MITF: variants seen among roughly 807,000 people sequenced by gnomAD.
MITF encodes the protein microphthalmia-associated transcription factor.
A neutral mutation model predicts 60.5 loss-of-function variants in MITF; 17 were observed. That is an observed-to-expected ratio of 0.28 (90% CI 0.19 to 0.42). MITF has a LOEUF of 0.42. MITF is among the 10% of genes least tolerant of loss of function. The probability of loss-of-function intolerance (pLI) is 1.00; values close to 1 mark genes in which losing one functional copy is unlikely to be tolerated. For synonymous variants in MITF, 260 were observed against 248.5 expected (o/e 1.05, Z -0.43); for missense variants, 622 against 683.5 (o/e 0.91, Z 1.00).
chr3:69,953,682 GAGAGAGAC>G (rs1280935016), intron 7 of MITF, among the ~76,000 whole-genome samples: 26 of 147,908 alleles, frequency 1.8e-4, no homozygotes, highest in East Asian at 1.6e-3. Context: ...GAGAGAGAGA[GAGAGAGAC>G]AGAGACAGAG....
At chr3:69,836,841 A>G (rs1446323880) in intron 1 of MITF, among the ~76,000 whole-genome samples, 1 of 152,214 alleles carries the variant, frequency 6.6e-6, no homozygotes, top group Non-Finnish European at 1.5e-5. Flanking sequence ...TCATGTGTAT[A>G]TTAAAGGATT....
chr3:69,928,193 G>A (rs543659068), intron 2 of MITF, among the ~76,000 whole-genome samples: 1 of 152,280 alleles, frequency 6.6e-6, no homozygotes, highest in Non-Finnish European at 1.5e-5. Context: ...TCTTTGTCCC[G>A]TATCTGATCA....
intron 2 of MITF, among the ~76,000 whole-genome samples, chr3:69,928,896 C>T (rs1422086540): frequency 6.6e-6 from 1 of 152,094 alleles, no homozygotes; most frequent in Non-Finnish European, 1.5e-5. Flanking sequence ...ATTTGAGACC[C>T]ACAGGGCCCT....
Position 69,956,561 on chromosome 3 carries a change from T to C in MITF, c.1031+31T>C, listed in dbSNP as rs55754687. The C allele has an allele frequency of 0.024, 37,064 of 1,567,260 alleles. 546 individuals are homozygous for C. Among genetic ancestry groups the C allele is most frequent in the Non-Finnish European group, 0.029 (32,956 of 1,137,448 alleles). On this transcript the variant is annotated intron_variant, in intron 8 of 9. Coordinates refer to ENST00000352241, the MANE Select transcript of MITF (RefSeq NM_001354604.2). Reference sequence around the variant, plus strand: ...TACAATCGCGTGTTAATCTGCATCATATATTTTTCGTACCTGAATGTTTTT... The same window carrying C: ...TACAATCGCGTGTTAATCTGCATCACATATTTTTCGTACCTGAATGTTTTT...
At chr3:69,935,124 G>A (rs1474007453) in intron 2 of MITF, among the ~76,000 whole-genome samples, 1 of 152,114 alleles carries the variant, frequency 6.6e-6, no homozygotes, top group African/African-American at 2.4e-5. Flanking sequence ...CCTCATTTAT[G>A]TTGCCTGTTT....
intron 2 of MITF, among the ~76,000 whole-genome samples, chr3:69,920,764 G>T (rs1280611045): frequency 6.6e-6 from 1 of 152,150 alleles, no homozygotes; most frequent in African/African-American, 2.4e-5. Context: ...CGCATTTGTG[G>T]TAGTGGTTCC....
chr3:69,850,927 G>C (rs768882045), intron 1 of MITF, among the ~76,000 whole-genome samples: 5 of 152,164 alleles, frequency 3.3e-5, no homozygotes, highest in Non-Finnish European at 7.3e-5. Flanking sequence ...GCCCCCAAGT[G>C]CTGGGCCCAT....
At chr3:69,955,224 G>C (rs980854510) in intron 7 of MITF, among the ~76,000 whole-genome samples, 1 of 152,134 alleles carries the variant, frequency 6.6e-6, no homozygotes, top group African/African-American at 2.4e-5. Flanking sequence ...AAATTGTGAC[G>C]TAAAACTGAA....
intron 1 of MITF, among the ~76,000 whole-genome samples, chr3:69,779,293 G>C (rs1337491821): frequency 6.6e-6 from 1 of 152,198 alleles, no homozygotes; most frequent in Non-Finnish European, 1.5e-5. Flanking sequence ...ATTGGGATAA[G>C]AGCAGGAGAC....
chr3:69,903,860 A>C (rs1446604904), intron 2 of MITF, among the ~76,000 whole-genome samples: 1 of 152,154 alleles, frequency 6.6e-6, no homozygotes, highest in Non-Finnish European at 1.5e-5. Flanking sequence ...GCTCCCATGC[A>C]CTGGATGTGC....
At chr3:69,948,139 A>G (rs1401759016) in intron 5 of MITF, among the ~76,000 whole-genome samples, 4 of 152,176 alleles carry the variant, frequency 2.6e-5, no homozygotes, top group African/African-American at 9.7e-5. Context: ...CAATCTAGTA[A>G]TGGTACGTGT....
chr3:69,769,598 C>T (rs1448792531), intron 1 of MITF: 1 of 152,060 alleles, frequency 6.6e-6, no homozygotes, highest in African/African-American at 2.4e-5. Context: ...CTAACCTGGG[C>T]TGGTTTACCC....
At position 69,967,181 on chromosome 3, in the gene MITF, C is replaced by T. The variant is rs555688827; in HGVS notation, c.*1933C>T. On this transcript the variant is annotated 3_prime_UTR_variant, in exon 10 of 10. Coordinates refer to ENST00000352241, the MANE Select transcript of MITF (RefSeq NM_001354604.2). ...TAATCAACTGCATAGTTCCCATGCA[C>T]GCTGGGCAATGAGAATCCTTGGAAA... The T allele has an allele frequency of 5.2e-5, 12 of 232,346 alleles. No homozygotes were observed. Among genetic ancestry groups the T allele is most frequent in the Admixed American group, 1.1e-4 (2 of 17,744 alleles). 14.4% of individuals were successfully genotyped at this position (232,346 alleles called of 1,614,324 possible).
At position 69,836,288 on chromosome 3, in the gene MITF, A is replaced by T. The variant is rs140182562; in HGVS notation, c.105-42846A>T. Among the ~76,000 whole-genome samples, 22 of 152,326 alleles carry T rather than the reference A, an allele frequency of 1.4e-4. No homozygotes were observed. The East Asian group carries it at 4.2e-3, about 29-fold the overall frequency. On this transcript the variant is annotated intron_variant, in intron 1 of 9. Coordinates refer to ENST00000352241, the MANE Select transcript of MITF (RefSeq NM_001354604.2). ...TTTTCAGGTAGATCACTATTAGCAT[A>T]TAGAAATACTACTGATTTTTTAATG...
chr3:69,960,060 C>T (rs1338387292), intron 9 of MITF, among the ~76,000 whole-genome samples: 2 of 152,046 alleles, frequency 1.3e-5, no homozygotes, highest in East Asian at 1.9e-4. Flanking sequence ...CTTGTAATTC[C>T]CCTGGGAACA....
intron 1 of MITF, among the ~76,000 whole-genome samples, chr3:69,871,163 C>T (rs960628458): frequency 2.0e-5 from 3 of 152,174 alleles, no homozygotes; most frequent in Admixed American, 1.3e-4. Flanking sequence ...ACTGTTTCCT[C>T]CAGTTTGGCT....
At chr3:69,869,227 G>A (rs1214861123) in intron 1 of MITF, among the ~76,000 whole-genome samples, 1 of 152,172 alleles carries the variant, frequency 6.6e-6, no homozygotes, top group Non-Finnish European at 1.5e-5. Flanking sequence ...GAGACAATAT[G>A]TGAATAAAAC....
At chr3:69,775,397 T>C (rs770596766) in intron 1 of MITF, among the ~76,000 whole-genome samples, 2 of 152,220 alleles carry the variant, frequency 1.3e-5, no homozygotes, top group African/African-American at 4.8e-5. Context: ...ACAACTGTTA[T>C]TGGTTTTGTG....
At chr3:69,955,867 G>A (rs1055774692) in intron 7 of MITF, among the ~76,000 whole-genome samples, 3 of 151,994 alleles carry the variant, frequency 2.0e-5, no homozygotes, top group Non-Finnish European at 2.9e-5. Context: ...TATATACAAC[G>A]CAAATTTCAG....
Sources: allele counts gnomAD v4.1 joint callset (sites outside exome capture counted in the v4.1 genomes callset), GRCh38; gene constraint gnomAD v4.1.1; transcripts MANE v1.5; gene names NCBI Gene and HGNC (gene_info 2026-07-23, HGNC 2026-07-21).